Variants in LDLRAD4 observed in about 807,000 individuals in gnomAD.
The protein encoded by LDLRAD4 is low density lipoprotein receptor class A domain containing 4.
Under a neutral mutation model 17.0 loss-of-function variants are expected in LDLRAD4, and 5 were observed. The ratio of observed to expected loss-of-function variants is 0.29; its 90% CI spans 0.15 to 0.62. The LOEUF (loss-of-function observed/expected upper bound fraction) is 0.62. Among genes scored for constraint, LDLRAD4 ranks in the 20% least tolerant of loss-of-function variants. The pLI is 0.84. For missense variants in LDLRAD4, 340 were observed against 424.7 expected, an observed-to-expected ratio of 0.80 and a Z score of 1.75; for synonymous variants, 168 against 171.8, an observed-to-expected ratio of 0.98 and a Z score of 0.17.
intron 3 of LDLRAD4, among the ~76,000 whole-genome samples, chr18:13,538,477 A>G (rs540228884): frequency 1.3e-5 from 2 of 152,000 alleles, no homozygotes; most frequent in South Asian, 2.1e-4. Flanking sequence ...GCAGCTTTCC[A>G]TTCACATATT....
intron 4 of LDLRAD4, among the ~76,000 whole-genome samples, chr18:13,628,746 A>G (rs1043381329): frequency 3.9e-5 from 6 of 152,210 alleles, no homozygotes; most frequent in Admixed American, 1.3e-4. Flanking sequence ...GGAAGAGTCA[A>G]TGCTTATCTT....
At chr18:13,635,949 GTGTGTGT>G (rs2042042273) in intron 4 of LDLRAD4, among the ~76,000 whole-genome samples, 1 of 151,912 alleles carries the variant, frequency 6.6e-6, no homozygotes, top group Non-Finnish European at 1.5e-5. Flanking sequence ...GTGTGTGTGT[GTGTGTGT>G]GTGTGTGTGT....
chr18:13,292,640 G>A (rs963708640), intron 1 of LDLRAD4, among the ~76,000 whole-genome samples: 2 of 152,120 alleles, frequency 1.3e-5, no homozygotes, highest in African/African-American at 4.8e-5. Flanking sequence ...GCATAAGGGA[G>A]CCCTAGGAGG....
intron 1 of LDLRAD4, among the ~76,000 whole-genome samples, chr18:13,335,465 C>T (rs866688617): frequency 6.6e-6 from 1 of 152,244 alleles, no homozygotes; most frequent in Non-Finnish European, 1.5e-5. Flanking sequence ...TTTTACTACT[C>T]TCCCCCAACA....
At chr18:13,299,574 C>T (rs2046462509) in intron 1 of LDLRAD4, among the ~76,000 whole-genome samples, 1 of 152,130 alleles carries the variant, frequency 6.6e-6, no homozygotes, top group African/African-American at 2.4e-5. Flanking sequence ...CTGGGTGTGG[C>T]AACTCACACC....
Position 13,599,787 on chromosome 18 carries a change from G to A in LDLRAD4, c.182-21330G>A, listed in dbSNP as rs556694059. Among the ~76,000 whole-genome samples, 100 of 152,190 alleles carry A rather than the reference G, an allele frequency of 6.6e-4. 1 individual carries two copies. Among genetic ancestry groups the A allele is most frequent in the African/African-American group, 1.7e-3 (69 of 41,510 alleles). On this transcript the variant is annotated intron_variant, in intron 3 of 5. Coordinates refer to ENST00000359446, the Ensembl canonical transcript of LDLRAD4. ...ATTACAGGCATGAGCCACCGCACCC[G>A]GCCGTGAGTCTCCTATATTATATTT...
rs75829566 is a variant in LDLRAD4, at chr18:13,611,440, C to T, written c.182-9677C>T. The T allele has an allele frequency of 1.1e-3, 1,059 of 985,226 alleles. 7 individuals are homozygous for T. In the African/African-American group the frequency reaches 0.017, roughly 16 times the overall value. The allele number at this position is 985,226 out of a possible 1,614,324, so 61.0% of individuals were successfully genotyped here. On this transcript the variant is annotated intron_variant, in intron 3 of 5. Transcript: ENST00000359446. ...TTTTCTCTGAAAACTGCGACAGACTCGCAGCCTGCCCTGAATTTTCTTCAC... is the reference window on the plus strand; with the variant it reads ...TTTTCTCTGAAAACTGCGACAGACTTGCAGCCTGCCCTGAATTTTCTTCAC...
intron 2 of LDLRAD4, among the ~76,000 whole-genome samples, chr18:13,391,985 T>C (rs1456313578): frequency 6.6e-6 from 1 of 152,280 alleles, no homozygotes; most frequent in Non-Finnish European, 1.5e-5. Flanking sequence ...AACGCTTTGA[T>C]GAACACCTTT....
At chr18:13,268,081 T>C (rs2044321259) in intron 1 of LDLRAD4, among the ~76,000 whole-genome samples, 1 of 152,230 alleles carries the variant, frequency 6.6e-6, no homozygotes, top group Non-Finnish European at 1.5e-5. Context: ...AAGATGTGCC[T>C]GGAGAGATAT....
Position 13,620,905 on chromosome 18 carries a change from G to T in LDLRAD4, c.182-212G>T. The T allele has an allele frequency of 3.2e-6, 2 of 634,158 alleles. No individual in the cohort carries two copies. The highest frequency in any genetic ancestry group is 4.0e-5 in the South Asian group (2 of 50,028). The allele number at this position is 634,158 out of a possible 1,614,324, so 39.3% of individuals were successfully genotyped here. ...TGGTGGGGGATGGCAGAGGCTTCCC[G>T]CTCCCCGCAGCTGGTTTGCACAGCC... On this transcript the variant is annotated intron_variant, in intron 3 of 5. Transcript: ENST00000359446.
At chr18:13,541,532 A>T (rs2094282751) in intron 3 of LDLRAD4, among the ~76,000 whole-genome samples, 1 of 152,170 alleles carries the variant, frequency 6.6e-6, no homozygotes, top group Admixed American at 6.5e-5. Context: ...CCTTTGTGAG[A>T]CATGAGCATG....
intron 3 of LDLRAD4, among the ~76,000 whole-genome samples, chr18:13,607,437 T>G (rs1268715454): frequency 1.3e-5 from 2 of 151,960 alleles, no homozygotes; most frequent in Non-Finnish European, 2.9e-5. Context: ...TCTTATTATT[T>G]TATTTTACTT....
chr18:13,430,104 G>A (rs11663559), intron 2 of LDLRAD4, among the ~76,000 whole-genome samples: 55,488 of 151,872 alleles, frequency 0.37, 11,924 homozygotes, highest in Non-Finnish European at 0.48. Context: ...AGAGCCTCCC[G>A]GCCCAGCCTT....
chr18:13,590,333 G>A (rs1031120562), intron 3 of LDLRAD4, among the ~76,000 whole-genome samples: 1 of 133,528 alleles, frequency 7.5e-6, no homozygotes, highest in African/African-American at 2.9e-5. Flanking sequence ...TGTATGTGGG[G>A]GGTAAGTGTG....
intron 2 of LDLRAD4, among the ~76,000 whole-genome samples, chr18:13,408,354 A>G (rs1010602166): frequency 1.4e-5 from 2 of 139,604 alleles, no homozygotes; most frequent in African/African-American, 5.3e-5. Flanking sequence ...AGTCTGGCTG[A>G]CAGAGTGAGA....
intron 3 of LDLRAD4, among the ~76,000 whole-genome samples, chr18:13,503,946 G>A (rs1459465988): frequency 6.6e-6 from 1 of 152,012 alleles, no homozygotes; most frequent in Non-Finnish European, 1.5e-5. Context: ...ACTAATGATA[G>A]GCAAGGCTCA....
intron 3 of LDLRAD4, among the ~76,000 whole-genome samples, chr18:13,478,270 A>G (rs1226186680): frequency 6.6e-6 from 1 of 152,174 alleles, no homozygotes; most frequent in Non-Finnish European, 1.5e-5. Flanking sequence ...CTTCTACTGT[A>G]ACGGAATCGC....
At chr18:13,438,155 A>G in intron 2 of LDLRAD4, 89 bp from the exon 4 acceptor site, 1 of 1,201,586 alleles carries the variant, frequency 8.3e-7, no homozygotes, top group Admixed American at 1.7e-5. Flanking sequence ...ATGGCATGCA[A>G]ATGGGGGAAA....
chr18:13,548,809 G>A (rs1485663734), intron 3 of LDLRAD4, among the ~76,000 whole-genome samples: 3 of 152,244 alleles, frequency 2.0e-5, no homozygotes, highest in African/African-American at 4.8e-5. Flanking sequence ...GGGAGCACAC[G>A]GCCCCACCCA....
Sources: gnomAD v4.1 joint callset for allele counts (sites outside exome capture counted in the v4.1 genomes callset) on GRCh38, gnomAD v4.1.1 for gene constraint, MANE v1.5 for transcripts, NCBI Gene and HGNC (gene_info 2026-07-23, HGNC 2026-07-21) for gene names.